USP42: variants seen among roughly 807,000 people sequenced by gnomAD.
The protein encoded by USP42 is ubiquitin carboxyl-terminal hydrolase 42.
Under a neutral mutation model 113.0 loss-of-function variants are expected in USP42, and 23 were observed. That is an observed-to-expected ratio of 0.20 (90% confidence interval 0.15 to 0.29). The LOEUF is 0.29. USP42 is among the 10% of genes least tolerant of loss of function. USP42 has a pLI of 1.00. For missense variants in USP42, 2,174 were observed against 1,779.8 expected (o/e 1.22, Z -3.99); for synonymous variants, 933 against 699.0 (o/e 1.33, Z -5.28).
chr7:6,159,718 G>C lies in USP42; in HGVS notation c.*36+225G>C, dbSNP rs1330791917. 6.6e-6 allele frequency among the ~76,000 whole-genome samples: 1 copy of C among 152,206 alleles called. No individual in the cohort carries two copies. Among genetic ancestry groups the C allele is most frequent in the Non-Finnish European group, 1.5e-5 (1 of 68,038 alleles). Reference sequence around the variant, plus strand: ...CACGTTTGCATTACTGGCTGGGGAAGACCCGCATCCTTCACGCAGGCAGAG... The same window carrying C: ...CACGTTTGCATTACTGGCTGGGGAACACCCGCATCCTTCACGCAGGCAGAG... On this transcript the variant is annotated intron_variant, in intron 17 of 17. Transcript: ENST00000306177. This position sits in a 1 kb window ranked among gnomAD's most constrained non-coding sequence, Gnocchi z 4.1.
At chr7:6,087,340 C>CTTTTT in the USP42 span, among the ~76,000 whole-genome samples, 1 of 116,502 alleles carries the variant, frequency 8.6e-6, no homozygotes, top group Admixed American at 9.7e-5. Context: ...CTAAGCGCTT[C>CTTTTT]TTTTTTTTTT....
intron 1 of USP42, among the ~76,000 whole-genome samples, chr7:6,107,655 C>T (rs527995235): frequency 1.1e-4 from 17 of 152,056 alleles, no homozygotes; most frequent in African/African-American, 3.9e-4. Context: ...GTGATCTGCC[C>T]GCCTCGTCCT....
chr7:6,126,078 T>C (rs1294360639), intron 3 of USP42, among the ~76,000 whole-genome samples: 2 of 152,204 alleles, frequency 1.3e-5, no homozygotes, highest in Non-Finnish European at 2.9e-5. Context: ...CTTGTGTCCC[T>C]GCCTTCCCCT....
rs1284657011 is a variant in USP42 at position 6,115,366 on chromosome 7, A to G, written c.285A>G (p.Pro95=). The G allele has an allele frequency of 6.2e-7, 1 of 1,613,902 alleles. No individual in the cohort carries two copies. Among genetic ancestry groups the G allele is most frequent in the East Asian group, 2.2e-5 (1 of 44,896 alleles). Residue 95 remains proline (P), a synonymous_variant, in exon 3 of 18, where the codon CCA becomes CCG. Transcript: ENST00000306177. ...CTCCTCCACAGAAAGTTCTTTTCCC[A>G]TCTGAGAAGATTTGTCTTAAGTGGC... ...GIAPPQKVLF[P]SEKICLKWQQ...
chr7:6,085,297 T>C, the USP42 span: 1 of 149,882 alleles, frequency 6.7e-6, no homozygotes, highest in Non-Finnish European at 1.5e-5. Flanking sequence ...TTTTTTTTTT[T>C]TTAGTTTTTA....
rs1267574977 is a variant in USP42, at chr7:6,154,072, G to GCGGAGGGCCCGCGGGACT, written c.2522_2539dup (p.Glu841_Ser846dup). 6.2e-7 allele frequency: 1 copy of GCGGAGGGCCCGCGGGACT among 1,605,994 alleles called. No individual in the cohort carries two copies. The highest frequency in any genetic ancestry group is 1.3e-5 in the African/African-American group (1 of 74,926). ...GTCCCAGGACGCAAAGGGGATGATC[G>GCGGAGGGCCCGCGGGACT]CGGAGGGCCCGCGGGACTCGGCGTT... On this transcript the variant is annotated inframe_insertion, in exon 15 of 18. Transcript: ENST00000306177.
chr7:6,102,064 C>CA (rs1790142835), upstream of USP42, among the ~76,000 whole-genome samples: 1 of 146,894 alleles, frequency 6.8e-6, no homozygotes, highest in Admixed American at 6.7e-5. Context: ...CCTTAATTCA[C>CA]AAAAAATACC....
the USP42 span, among the ~76,000 whole-genome samples, chr7:6,099,774 C>T: frequency 6.6e-6 from 1 of 150,634 alleles, no homozygotes; most frequent in African/African-American, 2.5e-5. Flanking sequence ...AGCAGCCTTG[C>T]CAATATGGTG....
chr7:6,133,948 T>TGG (rs1230648246), intron 3 of USP42, among the ~76,000 whole-genome samples: 1 of 150,546 alleles, frequency 6.6e-6, no homozygotes, highest in Non-Finnish European at 1.5e-5. Context: ...TGGAGTGCAG[T>TGG]GGTGCCATCT....
chr7:6,139,874 C>G lies in USP42; in HGVS notation c.657-254C>G. The G allele has an allele frequency of 1.8e-6, 1 of 541,748 alleles. No individual in the cohort carries two copies. The highest frequency in any genetic ancestry group is 3.3e-6 in the Non-Finnish European group (1 of 302,370). The allele number at this position is 541,748 out of a possible 1,614,324, so 33.6% of individuals were successfully genotyped here. A position where few individuals can be genotyped will look rare whatever the true frequency, so the allele number is the denominator to read the frequency against. On this transcript the variant is annotated intron_variant, in intron 5 of 17. Transcript: ENST00000306177. The surrounding 1 kb of genome is among the most constrained non-coding windows in gnomAD (Gnocchi z 4.5). ...TCCTGCTTCAGGACCAGACTCCTGC[C>G]TTGCTTCCCGAGTCCCTTCCTGACA...
intron 4 of USP42, among the ~76,000 whole-genome samples, chr7:6,136,788 A>C (rs1562831036): frequency 1.3e-5 from 2 of 151,946 alleles, no homozygotes; most frequent in African/African-American, 4.8e-5. Flanking sequence ...AATAAGGTTA[A>C]TTCTCTTTTT....
chr7:6,126,395 C>G (rs983341760), intron 3 of USP42, among the ~76,000 whole-genome samples: 2 of 152,098 alleles, frequency 1.3e-5, no homozygotes, highest in Non-Finnish European at 2.9e-5. Context: ...CGCCATTCTC[C>G]TGCCTCAGCC....
Position 6,154,960 on chromosome 7 carries a change from A to G in USP42, c.3406A>G (p.Arg1136Gly), listed in dbSNP as rs767531196. The G allele has an allele frequency of 2.8e-5, 44 of 1,558,672 alleles. 1 individual carries two copies. The highest frequency in any genetic ancestry group is 5.9e-5 in the South Asian group (5 of 84,530). The change falls in exon 15 of 18, where the codon AGA (arginine) becomes GGA (glycine). Residue 1136 changes from arginine (R) to glycine (G), a missense_variant. Physicochemically the swap from Arg to Gly is moderately radical, Grantham distance 125 (BLOSUM62 -2). Transcript: ENST00000306177. ...GCACCCCGACCGCTTCTCCCACGACAGAACTGCACTTGTAGCCGGAGACAA... is the reference window on the plus strand; with the variant it reads ...GCACCCCGACCGCTTCTCCCACGACGGAACTGCACTTGTAGCCGGAGACAA... ...APHPDRFSHDRTALVAGDNCN... is the reference protein window; with the variant it reads ...APHPDRFSHDGTALVAGDNCN...
rs1018359611 is a variant in USP42 at position 6,134,415 on chromosome 7, C to A, written c.443-1426C>A. 2.6e-5 allele frequency among the ~76,000 whole-genome samples: 4 copies of A among 152,074 alleles called. No homozygotes were observed. The East Asian group carries it at 7.7e-4, about 29-fold the overall frequency. ...AGAATGAATTTTATGTTATTGGGTG[C>A]TGGGATTTTTGTATTTCTTTAAAAA... is the stretch of plus-strand genomic sequence containing the variant. On this transcript the variant is annotated intron_variant, in intron 3 of 17. Coordinates refer to ENST00000306177, the MANE Select transcript of USP42 (RefSeq NM_032172.3).
chr7:6,153,807 G>T lies in USP42; in HGVS notation c.2253G>T (p.Gln751His), dbSNP rs748674981. 169 of 1,522,950 alleles carry T rather than the reference G, an allele frequency of 1.1e-4. No homozygotes were observed. The highest frequency in any genetic ancestry group is 1.1e-4 in the Admixed American group (5 of 46,650). 94.3% of individuals were successfully genotyped at this position (1,522,950 alleles called of 1,614,324 possible). A position where few individuals can be genotyped will look rare whatever the true frequency, so the allele number is the denominator to read the frequency against. The change falls in exon 15 of 18, where the codon CAG becomes CAT. Residue 751 changes from glutamine to histidine, a missense_variant. Coordinates refer to ENST00000306177, the MANE Select transcript of USP42 (RefSeq NM_032172.3). ...CCGAGGACCGCGACGCCGAGCCTCA[G>T]CCTGGCAGCCCCGCCGCCGAATCCC... Reference protein sequence around the residue: ...GPPEDRDAEPQPGSPAAESLE... With the variant: ...GPPEDRDAEPHPGSPAAESLE...
At chr7:6,124,617 A>G (rs537137952) in intron 3 of USP42, among the ~76,000 whole-genome samples, 37 of 152,284 alleles carry the variant, frequency 2.4e-4, no homozygotes, top group African/African-American at 5.5e-4. Context: ...TTTTTATCCA[A>G]TAGTAGCCTC....
chr7:6,107,809 G>T lies in USP42; in HGVS notation c.-10+2777G>T, dbSNP rs527542171. 3.3e-5 allele frequency among the ~76,000 whole-genome samples: 5 copies of T among 152,248 alleles called. No individual in the cohort carries two copies. In the East Asian group the frequency reaches 9.6e-4, roughly 29 times the overall value. On this transcript the variant is annotated intron_variant, in intron 1 of 17. Coordinates refer to ENST00000306177, the MANE Select transcript of USP42 (RefSeq NM_032172.3). ...GGAAAAATGTAAACTGTATTTGGAG[G>T]ATAAGGCTCAAGCTTTCTTCCTGAT...
the USP42 span, among the ~76,000 whole-genome samples, chr7:6,096,331 T>TC: frequency 6.6e-6 from 1 of 150,958 alleles, no homozygotes; most frequent in Non-Finnish European, 1.5e-5. Context: ...AAGCAGAGTC[T>TC]CCCCAAGGGA....
upstream of USP42, among the ~76,000 whole-genome samples, chr7:6,102,109 A>ATTT (rs370131326): frequency 8.2e-6 from 1 of 121,658 alleles, no homozygotes; most frequent in Non-Finnish European, 1.7e-5. Flanking sequence ...GTCTCCTAAG[A>ATTT]TTTTTTTTTT....
Sources: allele counts gnomAD v4.1 joint callset (sites outside exome capture counted in the v4.1 genomes callset), GRCh38; gene constraint gnomAD v4.1.1; non-coding constraint Gnocchi (gnomAD v3.1); transcripts MANE v1.5; gene names NCBI Gene and HGNC (gene_info 2026-07-23, HGNC 2026-07-21).